PLEKHG5: variants seen among roughly 807,000 people sequenced by gnomAD.
PLEKHG5 encodes the protein pleckstrin homology domain-containing family G member 5.
In PLEKHG5, 52 loss-of-function variants were observed where a neutral mutation model predicts 103.8. The observed-to-expected ratio is 0.50, with a 90% CI of 0.40 to 0.63. The LOEUF (loss-of-function observed/expected upper bound fraction) is 0.63, where lower values mean the gene tolerates loss of function less well. Among genes scored for constraint, PLEKHG5 ranks in the 30% least tolerant of loss-of-function variants. PLEKHG5 has a pLI of 0.00. For synonymous variants in PLEKHG5, 592 were observed against 575.5 expected (o/e 1.03, Z -0.41); for missense variants, 1,205 against 1,347.6 (o/e 0.89, Z 1.66).
Position 6,489,696 on chromosome 1 carries a change from G to A in PLEKHG5, c.-88+1941C>T, listed in dbSNP as rs143711329. Among the ~76,000 whole-genome samples, 1,514 of 152,220 alleles carry A rather than the reference G, an allele frequency of 9.9e-3. 34 individuals carry two copies. Among genetic ancestry groups the A allele is most frequent in the African/African-American group, 0.034 (1,402 of 41,524 alleles). On this transcript the variant is annotated intron_variant, in intron 1 of 20. Transcript: ENST00000377728. ...GCGGGGGAAAGAGGGCACCTGCCTG[G>A]GCTTCAGAAGACCTGGTCTGGAGCC...
intron 1 of PLEKHG5, among the ~76,000 whole-genome samples, chr1:6,478,786 G>C (rs868827339): frequency 2.0e-5 from 3 of 152,022 alleles, no homozygotes; most frequent in Non-Finnish European, 4.4e-5. Flanking sequence ...TGAGATTACA[G>C]GCACAATCCA....
intron 1 of PLEKHG5, chr1:6,485,252 C>T (rs1645000226): frequency 2.9e-6 from 3 of 1,035,776 alleles, no homozygotes; most frequent in South Asian, 6.2e-5. Context: ...CCTGGCCTCC[C>T]GCACAGGACT....
intron 1 of PLEKHG5, among the ~76,000 whole-genome samples, chr1:6,515,457 G>A (rs956937035): frequency 1.3e-5 from 2 of 152,122 alleles, no homozygotes; most frequent in African/African-American, 4.8e-5. Context: ...AACCCAGGAG[G>A]TGGGGGTTGT....
chr1:6,469,675 A>G lies in PLEKHG5; in HGVS notation c.1802T>C (p.Met601Thr). Residue 601 changes from methionine (M) to threonine (T), a missense_variant and splice_region_variant, in exon 17 of 21, where the codon ATG becomes ACG. Transcript: ENST00000377728. Reference protein sequence around the residue: ...LRMKEGKDSKMDVYCFLFTDL... With the variant: ...LRMKEGKDSKTDVYCFLFTDL... ...CGTGAAGAGGAAGCAGTACACATCC[A>G]TCTGCAGTGGCAGGAGGGGGGGTGG... 1 of 1,612,506 alleles carries G rather than the reference A, an allele frequency of 6.2e-7. No homozygotes were observed.
At chr1:6,508,211 G>A (rs747864934) in intron 1 of PLEKHG5, among the ~76,000 whole-genome samples, 13 of 152,102 alleles carry the variant, frequency 8.5e-5, no homozygotes, top group Non-Finnish European at 1.6e-4. Context: ...CATCCATTTC[G>A]GGCTCGGAGG....
chr1:6,478,634 T>G (rs895255136), intron 1 of PLEKHG5, among the ~76,000 whole-genome samples: 1 of 152,180 alleles, frequency 6.6e-6, no homozygotes, highest in African/African-American at 2.4e-5. Flanking sequence ...AAAATATTTC[T>G]TTTCTTTTTA....
chr1:6,501,515 T>G (rs955627984), upstream of PLEKHG5, among the ~76,000 whole-genome samples: 1 of 152,164 alleles, frequency 6.6e-6, no homozygotes, highest in Non-Finnish European at 1.5e-5. The surrounding 1 kb of genome is among the most constrained non-coding windows in gnomAD (Gnocchi z 4.3). Flanking sequence ...CGACACACAA[T>G]GACCACAGCT....
Position 6,476,072 on chromosome 1 carries a change from G to A in PLEKHG5, c.44-36C>T, listed in dbSNP as rs766272990. 36 of 1,564,442 alleles carry A rather than the reference G, an allele frequency of 2.3e-5. 1 individual carries two copies. The highest frequency in any genetic ancestry group is 3.5e-4 in the Middle Eastern group (2 of 5,640). On this transcript the variant is annotated intron_variant, in intron 2 of 20. Transcript: ENST00000377728. ...AGCAGGAGAGGGTTGTGCCTCCCCC[G>A]CCCCTCCTTAGCCTGCAGCATGGCT...
At chr1:6,512,951 G>A (rs1178492506) in intron 1 of PLEKHG5, among the ~76,000 whole-genome samples, 1 of 152,208 alleles carries the variant, frequency 6.6e-6, no homozygotes, top group Non-Finnish European at 1.5e-5. Flanking sequence ...AGAGACAGTG[G>A]CCAACAGTCA....
At chr1:6,470,698 C>A (rs771981203) in intron 14 of PLEKHG5, 37 bp downstream of exon 14, 1 of 1,552,330 alleles carries the variant, frequency 6.4e-7, no homozygotes, top group Non-Finnish European at 8.7e-7. Flanking sequence ...CAGAGAGCCG[C>A]GCAGGGGGGA....
intron 1 of PLEKHG5, among the ~76,000 whole-genome samples, chr1:6,513,837 T>C (rs1300212806): frequency 6.6e-6 from 1 of 152,226 alleles, no homozygotes; most frequent in Non-Finnish European, 1.5e-5. Flanking sequence ...TGTCTGACTG[T>C]TGGCCCACAG....
chr1:6,483,053 C>G (rs1380976363), intron 1 of PLEKHG5, among the ~76,000 whole-genome samples: 1 of 152,240 alleles, frequency 6.6e-6, no homozygotes, highest in South Asian at 2.1e-4. Flanking sequence ...TCATGGGTGT[C>G]TTAGGAGCGA....
chr1:6,467,942 G>A lies in PLEKHG5; in HGVS notation c.2894C>T (p.Ser965Phe), dbSNP rs1337483830. The change falls in exon 20 of 21, where the codon TCT (serine) becomes TTT (phenylalanine). Residue 965 changes from serine to phenylalanine, a missense_variant. Coordinates refer to ENST00000377728, the MANE Select transcript of PLEKHG5 (RefSeq NM_020631.6). Reference protein sequence around the residue: ...KRCGDLPSGASPRVQPEPPPG... With the variant: ...KRCGDLPSGAFPRVQPEPPPG... ...TGGGGGCTCAGGCTGGACCCTGGGA[G>A]AGGCCCCCGAGGGCAGGTCTCCACA... is the stretch of plus-strand genomic sequence containing the variant. 4 of 1,576,990 alleles carry A rather than the reference G, an allele frequency of 2.5e-6. No individual in the cohort carries two copies. In the South Asian group the frequency reaches 3.4e-5, roughly 14 times the overall value.
At chr1:6,474,635 G>A (rs112036761) in intron 5 of PLEKHG5, 48 bp from the exon 6 acceptor site, 45 of 1,602,068 alleles carry the variant, frequency 2.8e-5, no homozygotes, top group African/African-American at 2.3e-4. Context: ...GCGGCCAGTC[G>A]CTTCAGCTTG....
chr1:6,519,606 C>T, exon 1 of PLEKHG5: 2 of 941,808 alleles, frequency 2.1e-6, no homozygotes, highest in Non-Finnish European at 3.5e-6. Context: ...CTCCGTCCTG[C>T]TTTGCCCAGT....
intron 1 of PLEKHG5, among the ~76,000 whole-genome samples, chr1:6,513,824 C>T (rs1638541819): frequency 6.6e-6 from 1 of 152,240 alleles, no homozygotes; most frequent in African/African-American, 2.4e-5. Flanking sequence ...CTCGGATGGG[C>T]CTTGTCTGAC....
At chr1:6,502,579 G>A (rs560431567) in intron 1 of PLEKHG5, among the ~76,000 whole-genome samples, 2 of 152,236 alleles carry the variant, frequency 1.3e-5, no homozygotes, top group African/African-American at 2.4e-5. Context: ...AGGCTACTGC[G>A]GGCGCCTGCC....
At chr1:6,491,791 C>T, upstream of PLEKHG5, 4 of 582,746 alleles carry the variant, frequency 6.9e-6, no homozygotes, top group Non-Finnish European at 8.7e-6. The surrounding 1 kb of genome is among the most constrained non-coding windows in gnomAD (Gnocchi z 4.1). Context: ...TGAAGTCCTC[C>T]CATCCAACCT....
intron 1 of PLEKHG5, among the ~76,000 whole-genome samples, chr1:6,509,206 G>T (rs901846340): frequency 2.6e-5 from 4 of 152,206 alleles, no homozygotes; most frequent in African/African-American, 9.6e-5. Flanking sequence ...TGGGAGCTGT[G>T]GCCCTGGGCC....
Sources: gnomAD v4.1 joint callset for allele counts (sites outside exome capture counted in the v4.1 genomes callset) on GRCh38, gnomAD v4.1.1 for gene constraint, Gnocchi (gnomAD v3.1) non-coding constraint, MANE v1.5 for transcripts, NCBI Gene and HGNC (gene_info 2026-07-23, HGNC 2026-07-21) for gene names.